HS6ST3: variants seen among roughly 807,000 people sequenced by gnomAD.
The protein encoded by HS6ST3 is heparan-sulfate 6-O-sulfotransferase 3.
HS6ST3 carries 12 observed loss-of-function variants against 36.7 expected under a neutral mutation model. The ratio of observed to expected loss-of-function variants is 0.33; its 90% CI spans 0.21 to 0.53. The LOEUF (loss-of-function observed/expected upper bound fraction) is 0.53. HS6ST3 is among the 20% of genes least tolerant of loss of function. The pLI, the probability that HS6ST3 is intolerant of heterozygous loss-of-function variation, is 0.95. For missense variants in HS6ST3, 584 were observed against 640.9 expected (o/e 0.91, Z 0.96); for synonymous variants, 240 against 257.5 (o/e 0.93, Z 0.65).
At chr13:96,823,578 G>A (rs1335726714) in intron 1 of HS6ST3, among the ~76,000 whole-genome samples, 1 of 151,926 alleles carries the variant, frequency 6.6e-6, no homozygotes, top group Non-Finnish European at 1.5e-5. Flanking sequence ...ATATTTAACT[G>A]TGCCTATGTA....
intron 1 of HS6ST3, among the ~76,000 whole-genome samples, chr13:96,445,908 C>T (rs9554352): frequency 0.29 from 43,318 of 151,602 alleles, 6,445 homozygotes; most frequent in South Asian, 0.43. Context: ...TGCAGTGCCT[C>T]ACGCCTGTAA....
intron 1 of HS6ST3, among the ~76,000 whole-genome samples, chr13:96,692,451 G>A (rs371941937): frequency 3.0e-4 from 45 of 152,236 alleles, no homozygotes; most frequent in South Asian, 2.1e-3. Flanking sequence ...ATGATTGGTT[G>A]AATCTATGAA....
intron 1 of HS6ST3, among the ~76,000 whole-genome samples, chr13:96,322,744 C>G (rs1011735987): frequency 1.3e-5 from 2 of 152,186 alleles, no homozygotes; most frequent in East Asian, 1.9e-4. Flanking sequence ...ATTTTCCTTT[C>G]TTTCATGAAC....
chr13:96,745,834 A>G (rs1876548295), intron 1 of HS6ST3, among the ~76,000 whole-genome samples: 1 of 152,038 alleles, frequency 6.6e-6, no homozygotes, highest in South Asian at 2.1e-4. Context: ...TGCCCTGCAA[A>G]CAAACTTCCT....
chr13:96,346,819 T>C (rs2055157778), intron 1 of HS6ST3, among the ~76,000 whole-genome samples: 1 of 152,124 alleles, frequency 6.6e-6, no homozygotes. Flanking sequence ...TGAGTAACTT[T>C]CTTCTAGTAT....
At chr13:96,578,389 G>C (rs904319412) in intron 1 of HS6ST3, among the ~76,000 whole-genome samples, 2 of 152,098 alleles carry the variant, frequency 1.3e-5, no homozygotes, top group Non-Finnish European at 2.9e-5. Flanking sequence ...ATGAAGCTCC[G>C]AGCTGAAGCT....
At chr13:96,128,476 G>A (rs997147412) in intron 1 of HS6ST3, among the ~76,000 whole-genome samples, 3 of 152,242 alleles carry the variant, frequency 2.0e-5, no homozygotes, top group South Asian at 2.1e-4. Context: ...GCTGGATGTC[G>A]GCTGAGGCTC....
At chr13:96,796,584 G>C (rs954121714) in intron 1 of HS6ST3, among the ~76,000 whole-genome samples, 3 of 152,060 alleles carry the variant, frequency 2.0e-5, no homozygotes, top group African/African-American at 7.2e-5. Flanking sequence ...TGGTGATGGA[G>C]AAATAATTTT....
intron 1 of HS6ST3, among the ~76,000 whole-genome samples, chr13:96,564,681 A>T (rs1023933290): frequency 3.3e-5 from 5 of 152,216 alleles, no homozygotes; most frequent in African/African-American, 1.2e-4. Context: ...GAAATGGCAC[A>T]TGATCTCGCT....
intron 1 of HS6ST3, among the ~76,000 whole-genome samples, chr13:96,568,551 C>T (rs116881581): frequency 0.053 from 8,054 of 152,256 alleles, 290 homozygotes; most frequent in Non-Finnish European, 0.082. Flanking sequence ...GCCACCACGC[C>T]TGGCCAGCTC....
At position 96,656,996 on chromosome 13, in the gene HS6ST3, T is replaced by TGAGAGA. The variant is rs1175623855; in HGVS notation, c.708-175493_708-175492insAGAGAG. On this transcript the variant is annotated intron_variant, in intron 1 of 1. Transcript: ENST00000376705. The stretch of plus-strand genomic sequence containing the variant: ...GTGTGTGTGTGTGTGTGTGTGTGTG[T>TGAGAGA]GTGAGAGAGAGAGAGAGAGAGAGAG... Among the ~76,000 whole-genome samples the TGAGAGA allele has an allele frequency of 5.0e-4, 62 of 124,166 alleles. 1 individual carries two copies. Among genetic ancestry groups the TGAGAGA allele is most frequent in the South Asian group, 5.7e-4 (2 of 3,534 alleles). 81.5% of individuals were successfully genotyped at this position (124,166 alleles called of 152,430 possible). A position where few individuals can be genotyped will look rare whatever the true frequency, so the allele number is the denominator to read the frequency against.
At chr13:96,732,819 C>CTCCAATTTCTTT (rs74777069) in intron 1 of HS6ST3, among the ~76,000 whole-genome samples, 84,760 of 151,786 alleles carry the variant, frequency 0.56, 25,475 homozygotes, top group African/African-American at 0.8. Context: ...TTTGTGACTT[C>CTCCAATTTCTTT]CATCAACGTT....
intron 1 of HS6ST3, among the ~76,000 whole-genome samples, chr13:96,177,466 T>C (rs2054217958): frequency 1.3e-5 from 2 of 152,116 alleles, no homozygotes; most frequent in Non-Finnish European, 2.9e-5. Flanking sequence ...ATCATGTCCT[T>C]TGAGGGAACG....
chr13:96,806,884 T>C (rs545337582), intron 1 of HS6ST3, among the ~76,000 whole-genome samples: 1 of 152,338 alleles, frequency 6.6e-6, no homozygotes, highest in Non-Finnish European at 1.5e-5. Flanking sequence ...GTCTGTATCT[T>C]CACCTGGGAC....
At chr13:96,466,836 T>G (rs924799638) in intron 1 of HS6ST3, among the ~76,000 whole-genome samples, 1 of 152,192 alleles carries the variant, frequency 6.6e-6, no homozygotes, top group African/African-American at 2.4e-5. Context: ...ATTTTTAAGT[T>G]GGAAATCTCC....
At chr13:96,581,980 G>C (rs1228373326) in intron 1 of HS6ST3, among the ~76,000 whole-genome samples, 2 of 152,164 alleles carry the variant, frequency 1.3e-5, no homozygotes, top group Non-Finnish European at 2.9e-5. Context: ...ACCTAAGCAA[G>C]TGAGGACTTG....
chr13:96,767,914 G>C (rs1877156845), intron 1 of HS6ST3, among the ~76,000 whole-genome samples: 1 of 152,132 alleles, frequency 6.6e-6, no homozygotes, highest in Non-Finnish European at 1.5e-5. Flanking sequence ...CTAAGAACCT[G>C]GGTCTTTGGA....
At chr13:96,138,508 G>A (rs2054014080) in intron 1 of HS6ST3, among the ~76,000 whole-genome samples, 1 of 150,808 alleles carries the variant, frequency 6.6e-6, no homozygotes, top group Admixed American at 6.6e-5. Flanking sequence ...AATAAAATTT[G>A]ATACATTTTC....
At chr13:96,190,704 G>A (rs942737101) in intron 1 of HS6ST3, among the ~76,000 whole-genome samples, 3 of 152,192 alleles carry the variant, frequency 2.0e-5, no homozygotes, top group African/African-American at 7.2e-5. Context: ...AATACAGATA[G>A]TGAGTGAGAA....
Sources: allele counts gnomAD v4.1 joint callset (sites outside exome capture counted in the v4.1 genomes callset), GRCh38; gene constraint gnomAD v4.1.1; transcripts MANE v1.5; gene names NCBI Gene and HGNC (gene_info 2026-07-23, HGNC 2026-07-21).